GPLD1: variants seen among roughly 807,000 people sequenced by gnomAD.
The protein encoded by GPLD1 is glycosylphosphatidylinositol specific phospholipase D1, also known as phosphatidylinositol-glycan-specific phospholipase D.
In GPLD1, 84 loss-of-function variants were observed where a neutral mutation model predicts 112.6. That is an observed-to-expected ratio of 0.75 (90% confidence interval 0.63 to 0.89). The LOEUF is 0.89. Ranked by LOEUF, GPLD1 falls within the 40% of genes least tolerant of loss-of-function variation. The probability of loss-of-function intolerance (pLI) is 0.00; values close to 1 mark genes in which losing one functional copy is unlikely to be tolerated. For synonymous variants in GPLD1, 386 were observed against 403.8 expected, an observed-to-expected ratio of 0.96 and a Z score of 0.53; for missense variants, 1,044 against 1,051.5, an observed-to-expected ratio of 0.99 and a Z score of 0.10.
At chr6:24,468,473 C>A (rs931028475) in intron 7 of GPLD1, among the ~76,000 whole-genome samples, 1 of 152,186 alleles carries the variant, frequency 6.6e-6, no homozygotes, top group African/African-American at 2.4e-5. Context: ...CTCATAGCTA[C>A]CTATGACCTG....
intron 20 of GPLD1, among the ~76,000 whole-genome samples, chr6:24,439,135 C>T (rs1443016741): frequency 6.6e-6 from 1 of 152,170 alleles, no homozygotes; most frequent in East Asian, 1.9e-4. Context: ...CCCTGGAGCG[C>T]CCAGGAATCC....
chr6:24,449,739 C>A, intron 15 of GPLD1, 50 bp downstream of exon 15: 1 of 1,291,012 alleles, frequency 7.7e-7, no homozygotes, highest in South Asian at 1.3e-5. Context: ...CCTCAGAGTC[C>A]CCTCCCTGCC....
chr6:24,431,825 G>A (rs1030519132), intron 24 of GPLD1, among the ~76,000 whole-genome samples: 28 of 151,918 alleles, frequency 1.8e-4, no homozygotes, highest in Admixed American at 9.8e-4. Flanking sequence ...GTGACCCACT[G>A]CACCCAGCCA....
At position 24,439,013 on chromosome 6, in the gene GPLD1, A is replaced by C. The variant is rs369947839; in HGVS notation, c.2021-1724T>G. Among the ~76,000 whole-genome samples the C allele has an allele frequency of 1.1e-4, 16 of 152,202 alleles. No individual in the cohort carries two copies. The East Asian group carries it at 1.5e-3, about 15-fold the overall frequency. On this transcript the variant is annotated intron_variant, in intron 20 of 24. Transcript: ENST00000230036. ...TAGCCAGGATGGTCTTGATCTCCTG[A>C]CCTCGTGATCTGCCTGCCTCAGTCT... is the stretch of plus-strand genomic sequence containing the variant.
chr6:24,472,697 T>C (rs1581775530), intron 6 of GPLD1, 61 bp from the exon 7 acceptor site: 1 of 879,492 alleles, frequency 1.1e-6, no homozygotes, highest in Non-Finnish European at 1.9e-6. Flanking sequence ...CATGCATCTA[T>C]TCAACATGAG....
intron 2 of GPLD1, among the ~76,000 whole-genome samples, chr6:24,480,914 C>T (rs1385368350): frequency 6.6e-6 from 1 of 152,234 alleles, no homozygotes; most frequent in African/African-American, 2.4e-5. Flanking sequence ...GCAGAGGTAG[C>T]ACAGCCCCTC....
chr6:24,450,447 G>A (rs1286955307), intron 14 of GPLD1, among the ~76,000 whole-genome samples: 1 of 152,088 alleles, frequency 6.6e-6, no homozygotes, highest in Non-Finnish European at 1.5e-5. Flanking sequence ...GTTGCAGTAA[G>A]CCAAGATCGT....
At chr6:24,431,078 C>T (rs1483221210) in intron 24 of GPLD1, among the ~76,000 whole-genome samples, 1 of 152,088 alleles carries the variant, frequency 6.6e-6, no homozygotes, top group African/African-American at 2.4e-5. Context: ...TAAAGGATCC[C>T]TGTGATCAGA....
intron 7 of GPLD1, among the ~76,000 whole-genome samples, chr6:24,470,119 T>C (rs1471491756): frequency 6.7e-6 from 1 of 149,922 alleles, no homozygotes; most frequent in African/African-American, 2.5e-5. Flanking sequence ...GTTTGGAACC[T>C]GGACGGTTTT....
chr6:24,453,929 A>G (rs1309644590), intron 14 of GPLD1, 86 bp downstream of exon 14: 8 of 819,172 alleles, frequency 9.8e-6, no homozygotes, highest in Non-Finnish European at 1.6e-5. Context: ...TATTCTTGTT[A>G]TTAGTTACTC....
intron 7 of GPLD1, among the ~76,000 whole-genome samples, 196 bp from the exon 8 acceptor site, chr6:24,467,470 A>G (rs1193651976): frequency 6.6e-6 from 1 of 152,236 alleles, no homozygotes. Context: ...TTACATAAGA[A>G]GAAATGATTA....
chr6:24,432,779 C>G (rs1013935020), intron 24 of GPLD1, among the ~76,000 whole-genome samples: 2 of 152,200 alleles, frequency 1.3e-5, no homozygotes, highest in African/African-American at 4.8e-5. Flanking sequence ...CACGGCAGCA[C>G]GACAGCAGCC....
intron 20 of GPLD1, among the ~76,000 whole-genome samples, chr6:24,439,829 G>C (rs1447788538): frequency 6.6e-6 from 1 of 152,208 alleles, no homozygotes; most frequent in Non-Finnish European, 1.5e-5. Context: ...AATTCCTTCT[G>C]TAATGCTTAT....
intron 24 of GPLD1, among the ~76,000 whole-genome samples, chr6:24,432,967 G>A (rs566711487): frequency 1.0e-3 from 153 of 152,292 alleles, no homozygotes; most frequent in African/African-American, 3.4e-3. Flanking sequence ...GGTGGCAGAC[G>A]ACTTGGCCCC....
upstream of GPLD1, among the ~76,000 whole-genome samples, chr6:24,494,375 A>G (rs149133860): frequency 1.6e-3 from 248 of 152,284 alleles, no homozygotes; most frequent in African/African-American, 5.7e-3. Context: ...GCTGTTATTT[A>G]TCGGGAGCAA....
At chr6:24,458,617 G>A (rs1319948715) in intron 12 of GPLD1, among the ~76,000 whole-genome samples, 3 of 152,184 alleles carry the variant, frequency 2.0e-5, no homozygotes, top group African/African-American at 7.2e-5. Context: ...GGTGGCTCAC[G>A]CCTGTAATCC....
In GPLD1 at chr6:24,446,968, C is replaced by T. The variant is rs149642417; in HGVS notation, c.1690G>A (p.Val564Met). 7.4e-6 allele frequency: 12 copies of T among 1,612,922 alleles called. No homozygotes were observed. The highest frequency in any genetic ancestry group is 2.2e-5 in the East Asian group (1 of 44,824). The change falls in exon 18 of 25, where the codon GTG (valine) becomes ATG (methionine). Residue 564 changes from valine to methionine, a missense_variant. By Grantham distance (21) the Val-to-Met change is conservative. Coordinates refer to ENST00000230036, the MANE Select transcript of GPLD1 (RefSeq NM_001503.4). Reference sequence around the variant, plus strand: ...CTCACCGTCCAGTTGGCTGCCTCCACGTTCAGTTTTTCTAAAGAAGACAAC... The same window carrying T: ...CTCACCGTCCAGTTGGCTGCCTCCATGTTCAGTTTTTCTAAAGAAGACAAC... ...PSLSDKEKLNVEAANWTVRGE... is the reference protein window; with the variant it reads ...PSLSDKEKLNMEAANWTVRGE...
At chr6:24,474,345 CA>C (rs1763938255) in intron 5 of GPLD1, among the ~76,000 whole-genome samples, 1 of 151,920 alleles carries the variant, frequency 6.6e-6, no homozygotes, top group Admixed American at 6.6e-5. Flanking sequence ...AATTAAGGAC[CA>C]GGGGGCCTTC....
chr6:24,470,601 C>CT (rs202142381), intron 7 of GPLD1, among the ~76,000 whole-genome samples: 1 of 151,160 alleles, frequency 6.6e-6, no homozygotes, highest in African/African-American at 2.4e-5. Context: ...ATTTTTTTTT[C>CT]TTTTTTTATT....
Sources: gnomAD v4.1 joint callset for allele counts (sites outside exome capture counted in the v4.1 genomes callset) on GRCh38, gnomAD v4.1.1 for gene constraint, MANE v1.5 for transcripts, NCBI Gene and HGNC (gene_info 2026-07-23, HGNC 2026-07-21) for gene names.